The following FMN2 variants were observed in gnomAD, a reference collection of about 807,000 sequenced individuals.
The protein encoded by FMN2 is formin 2, also known as formin-2.
In FMN2, 51 loss-of-function variants were observed where a neutral mutation model predicts 142.3. That is an observed-to-expected ratio of 0.36 (90% confidence interval 0.29 to 0.45). FMN2 has a LOEUF of 0.45. FMN2 is among the 20% of genes least tolerant of loss of function. The pLI is 1.00. For missense variants in FMN2, 1,936 were observed against 2,122.8 expected, an observed-to-expected ratio of 0.91 and a Z score of 1.73; for synonymous variants, 882 against 869.8, an observed-to-expected ratio of 1.01 and a Z score of -0.25.
chr1:240,095,231 T>C lies in FMN2; in HGVS notation c.1615+1507T>C, dbSNP rs942852210. On this transcript the variant is annotated intron_variant, in intron 1 of 17. Coordinates refer to ENST00000319653, the MANE Select transcript of FMN2 (RefSeq NM_020066.5). ...TTTATCTAAGTGACATTCACGTATA[T>C]AGTTTTTGAAAAGTGAAAATAATTC... Among the ~76,000 whole-genome samples, 7 of 152,330 alleles carry C rather than the reference T, an allele frequency of 4.6e-5. 1 individual carries two copies. Among genetic ancestry groups the C allele is most frequent in the African/African-American group, 1.7e-4 (7 of 41,576 alleles).
At chr1:240,121,797 T>C (rs192941829) in intron 1 of FMN2, among the ~76,000 whole-genome samples, 23 of 141,230 alleles carry the variant, frequency 1.6e-4, no homozygotes, top group Admixed American at 3.6e-4. Context: ...GCTAGAGTTA[T>C]ATTTCTGAGG....
intron 2 of FMN2, chr1:240,170,236 G>A: frequency 1.6e-6 from 2 of 1,263,018 alleles, no homozygotes; most frequent in Non-Finnish European, 2.3e-6. Flanking sequence ...TCTCTCCGTA[G>A]AGGAGATAGA....
chr1:240,177,127 A>T (rs956144917), intron 2 of FMN2, among the ~76,000 whole-genome samples: 1 of 152,314 alleles, frequency 6.6e-6, no homozygotes, highest in Admixed American at 6.5e-5. Flanking sequence ...TCACAAATAT[A>T]GGGCATGCAT....
intron 5 of FMN2, among the ~76,000 whole-genome samples, chr1:240,210,710 A>G (rs1279695676): frequency 1.3e-5 from 2 of 152,130 alleles, no homozygotes; most frequent in Non-Finnish European, 2.9e-5. Context: ...GTAAATATGT[A>G]TTTTTTAACC....
At chr1:240,287,212 A>G (rs1049283529) in intron 7 of FMN2, among the ~76,000 whole-genome samples, 4 of 152,180 alleles carry the variant, frequency 2.6e-5, no homozygotes, top group African/African-American at 7.2e-5. Flanking sequence ...GATCTCTTAC[A>G]AAATGTAGTT....
At chr1:240,468,566 C>T (rs1166881251) in intron 16 of FMN2, among the ~76,000 whole-genome samples, 1 of 152,192 alleles carries the variant, frequency 6.6e-6, no homozygotes, top group African/African-American at 2.4e-5. Context: ...CTTTCTCCTC[C>T]TTCCCAAACA....
At chr1:240,240,508 G>GATGATTA (rs1256337103) in intron 6 of FMN2, among the ~76,000 whole-genome samples, 1 of 152,074 alleles carries the variant, frequency 6.6e-6, no homozygotes, top group African/African-American at 2.4e-5. Flanking sequence ...TTTTATTTGT[G>GATGATTA]ATGATTAATA....
chr1:240,256,766 A>T (rs1343371993), intron 6 of FMN2, among the ~76,000 whole-genome samples: 1 of 151,830 alleles, frequency 6.6e-6, no homozygotes, highest in Non-Finnish European at 1.5e-5. Context: ...AAACAAACAA[A>T]CAACGACAAC....
At chr1:240,448,964 A>G (rs940279833) in intron 16 of FMN2, among the ~76,000 whole-genome samples, 2 of 152,032 alleles carry the variant, frequency 1.3e-5, no homozygotes, top group Non-Finnish European at 2.9e-5. Context: ...CAACATGGCA[A>G]AACCCCATCT....
At chr1:240,439,861 T>A (rs1490685445) in intron 16 of FMN2, among the ~76,000 whole-genome samples, 1 of 152,192 alleles carries the variant, frequency 6.6e-6, no homozygotes, top group South Asian at 2.1e-4. Flanking sequence ...CACACAGAAC[T>A]TCCCTTCATG....
Position 240,395,406 on chromosome 1 carries a change from A to G in FMN2, c.4910+2844A>G, listed in dbSNP as rs562835041. ...ACTTTCAAGTCTTATTAGTTAAGAA[A>G]TACATTTGGTAAGGCTATAGCTGCC... is the stretch of plus-strand genomic sequence containing the variant. On this transcript the variant is annotated intron_variant, in intron 15 of 17. Coordinates refer to ENST00000319653, the MANE Select transcript of FMN2 (RefSeq NM_020066.5). Among the ~76,000 whole-genome samples, 19 of 152,300 alleles carry G rather than the reference A, an allele frequency of 1.2e-4. No homozygotes were observed. The South Asian group carries it at 3.9e-3, about 32-fold the overall frequency.
chr1:240,279,219 A>C (rs932147202), intron 7 of FMN2, among the ~76,000 whole-genome samples: 2 of 152,154 alleles, frequency 1.3e-5, no homozygotes, highest in Non-Finnish European at 2.9e-5. Context: ...CGAGCGATTG[A>C]AGGATGTTAG....
intron 8 of FMN2, among the ~76,000 whole-genome samples, chr1:240,295,698 CTCTTA>C (rs1451531707): frequency 1.3e-5 from 2 of 152,164 alleles, no homozygotes; most frequent in African/African-American, 4.8e-5. Context: ...TATATCTTGT[CTCTTA>C]TGAGTAGTGC....
At chr1:240,289,657 G>T (rs1372545980) in intron 7 of FMN2, among the ~76,000 whole-genome samples, 3 of 152,026 alleles carry the variant, frequency 2.0e-5, no homozygotes, top group African/African-American at 7.2e-5. Flanking sequence ...CCTAGCATGG[G>T]TGACAGAGTG....
At chr1:240,139,582 A>AT (rs1364637443) in intron 2 of FMN2, among the ~76,000 whole-genome samples, 3 of 152,214 alleles carry the variant, frequency 2.0e-5, no homozygotes, top group Non-Finnish European at 2.9e-5. Flanking sequence ...AAAACAAGAT[A>AT]TTTTTTAAAA....
chr1:240,246,972 TG>T (rs1260555670), intron 6 of FMN2, among the ~76,000 whole-genome samples: 3 of 152,180 alleles, frequency 2.0e-5, no homozygotes, highest in African/African-American at 7.2e-5. Flanking sequence ...ATTCTAAGAA[TG>T]TTCTAACTTT....
intron 14 of FMN2, among the ~76,000 whole-genome samples, chr1:240,386,704 A>T (rs1378961935): frequency 1.3e-5 from 2 of 152,206 alleles, no homozygotes; most frequent in Non-Finnish European, 2.9e-5. Flanking sequence ...CGGATATATT[A>T]GTGCCGTTGG....
chr1:240,292,668 G>A (rs568455439), intron 7 of FMN2, among the ~76,000 whole-genome samples: 29 of 152,230 alleles, frequency 1.9e-4, no homozygotes, highest in South Asian at 1.5e-3. Flanking sequence ...GCTACTAAAC[G>A]TCTAGTAACA....
chr1:240,326,123 AT>A (rs1351860622), intron 8 of FMN2, among the ~76,000 whole-genome samples: 2 of 152,134 alleles, frequency 1.3e-5, no homozygotes, highest in Non-Finnish European at 2.9e-5. Flanking sequence ...GTATGTATAT[AT>A]TTGTGCACAT....
Sources: gnomAD v4.1 joint callset for allele counts (sites outside exome capture counted in the v4.1 genomes callset) on GRCh38, gnomAD v4.1.1 for gene constraint, MANE v1.5 for transcripts, NCBI Gene and HGNC (gene_info 2026-07-23, HGNC 2026-07-21) for gene names.